The following NOL10 variants were observed in gnomAD, a reference collection of about 807,000 sequenced individuals.
The protein encoded by NOL10 is nucleolar protein 10.
Under a neutral mutation model 103.5 loss-of-function variants are expected in NOL10, and 58 were observed. That is an observed-to-expected ratio of 0.56 (90% CI 0.45 to 0.70). The LOEUF is 0.70. NOL10 is among the 30% of genes least tolerant of loss of function. The pLI, the probability that NOL10 is intolerant of heterozygous loss-of-function variation, is 0.00. For missense variants in NOL10, 763 were observed against 807.3 expected, an observed-to-expected ratio of 0.95 and a Z score of 0.67; for synonymous variants, 287 against 282.5, an observed-to-expected ratio of 1.02 and a Z score of -0.16.
At chr2:10,589,333 A>C (rs1465346887) in intron 18 of NOL10, 43 bp from the exon 19 acceptor site, 4 of 1,605,926 alleles carry the variant, frequency 2.5e-6, no homozygotes, top group Non-Finnish European at 3.4e-6. Flanking sequence ...TCCCCCAGTC[A>C]AACACAGACC....
At chr2:10,596,268 G>GGGGGGGGGGGGGGGGGGA (rs1553298216) in intron 17 of NOL10, among the ~76,000 whole-genome samples, 2 of 81,386 alleles carry the variant, frequency 2.5e-5, no homozygotes, top group African/African-American at 1.5e-4. Flanking sequence ...GGGGGCGGGG[G>GGGGGGGGGGGGGGGGGGA]GCGGGCGCGA....
In NOL10 at chr2:10,670,316, A is replaced by G. The variant is rs191097924; in HGVS notation, c.464+1238T>C. Reference sequence around the variant, plus strand: ...TCAAATACTGCTGTATTTTCAGGGGAAAAAAAAGGGATATTTCTATTGAAA... The same window carrying G: ...TCAAATACTGCTGTATTTTCAGGGGGAAAAAAAGGGATATTTCTATTGAAA... On this transcript the variant is annotated intron_variant, in intron 6 of 20. Coordinates refer to ENST00000381685, the MANE Select transcript of NOL10 (RefSeq NM_024894.4). Among the ~76,000 whole-genome samples, 390 of 151,522 alleles carry G rather than the reference A, an allele frequency of 2.6e-3. 1 individual carries two copies. Among genetic ancestry groups the G allele is most frequent in the African/African-American group, 8.2e-3 (338 of 40,972 alleles).
At chr2:10,664,845 T>C (rs560951009) in intron 8 of NOL10, among the ~76,000 whole-genome samples, 2 of 152,344 alleles carry the variant, frequency 1.3e-5, no homozygotes, top group African/African-American at 4.8e-5. Flanking sequence ...AACATTTGTG[T>C]TTTTAAAAAA....
intron 20 of NOL10, among the ~76,000 whole-genome samples, chr2:10,574,751 A>G (rs551551239): frequency 2.0e-5 from 3 of 152,260 alleles, no homozygotes; most frequent in South Asian, 2.1e-4. Flanking sequence ...AGGTACCTTC[A>G]TAAGTCTTCA....
rs537967530 is a variant in NOL10 at position 10,585,094 on chromosome 2, G to C, written c.1844+3949C>G. Among the ~76,000 whole-genome samples the C allele has an allele frequency of 5.9e-5, 9 of 152,342 alleles. No individual in the cohort carries two copies. The East Asian group carries it at 1.5e-3, about 26-fold the overall frequency. ...AGCAGATCTTGAAGGAGTAACTTCT[G>C]AGTTGCCTGATGTGTTGTCATGGCA... On this transcript the variant is annotated intron_variant, in intron 19 of 20. Coordinates refer to ENST00000381685, the MANE Select transcript of NOL10 (RefSeq NM_024894.4).
intron 1 of NOL10, among the ~76,000 whole-genome samples, chr2:10,685,608 G>T (rs899569671): frequency 6.6e-6 from 1 of 151,566 alleles, no homozygotes; most frequent in African/African-American, 2.4e-5. Context: ...CTCCAGAATG[G>T]GAGACTGTAG....
intron 3 of NOL10, among the ~76,000 whole-genome samples, chr2:10,678,002 A>C (rs1470583262): frequency 6.6e-6 from 1 of 152,122 alleles, no homozygotes; most frequent in East Asian, 1.9e-4. Flanking sequence ...GGCTATACAT[A>C]AAACTTTTAA....
intron 19 of NOL10, among the ~76,000 whole-genome samples, chr2:10,584,356 C>A (rs1385494376): frequency 6.6e-6 from 1 of 152,128 alleles, no homozygotes. Flanking sequence ...AGTGGATGAA[C>A]AGACTCACAA....
chr2:10,674,982 C>T (rs772354777), intron 4 of NOL10, among the ~76,000 whole-genome samples: 12 of 152,210 alleles, frequency 7.9e-5, no homozygotes, highest in African/African-American at 2.2e-4. Flanking sequence ...AGCAAAAGGA[C>T]GGCTGAGGCC....
chr2:10,686,412 G>A (rs1682207220), intron 1 of NOL10, among the ~76,000 whole-genome samples: 1 of 152,140 alleles, frequency 6.6e-6, no homozygotes, highest in Non-Finnish European at 1.5e-5. Flanking sequence ...AACAGTGACC[G>A]CTGAGCTCAG....
chr2:10,630,770 G>C (rs1677788970), intron 13 of NOL10, among the ~76,000 whole-genome samples: 1 of 152,212 alleles, frequency 6.6e-6, no homozygotes, highest in Non-Finnish European at 1.5e-5. Context: ...TACAAATTAA[G>C]GGCTGGACTA....
chr2:10,684,495 T>TAA (rs1682009438), intron 2 of NOL10, 72 bp downstream of exon 2: 1 of 1,185,578 alleles, frequency 8.4e-7, no homozygotes, highest in South Asian at 1.4e-5. Context: ...CACTTATATA[T>TAA]AACAGCAAAT....
At chr2:10,630,568 C>T (rs930702862) in intron 13 of NOL10, among the ~76,000 whole-genome samples, 5 of 151,892 alleles carry the variant, frequency 3.3e-5, no homozygotes, top group African/African-American at 7.3e-5. Context: ...AAAAATTAGT[C>T]GGGCATGGTG....
At chr2:10,612,724 G>C (rs1381122228) in intron 13 of NOL10, among the ~76,000 whole-genome samples, 4 of 152,002 alleles carry the variant, frequency 2.6e-5, no homozygotes, top group African/African-American at 4.8e-5. Context: ...GGCTGGTCTT[G>C]AACTCCTGAC....
At chr2:10,641,583 A>G (rs1678701434) in intron 13 of NOL10, among the ~76,000 whole-genome samples, 1 of 152,216 alleles carries the variant, frequency 6.6e-6, no homozygotes, top group African/African-American at 2.4e-5. Flanking sequence ...AAAATGCAGA[A>G]AATACCAAAG....
At chr2:10,620,393 T>A (rs561940315) in intron 13 of NOL10, among the ~76,000 whole-genome samples, 7 of 152,224 alleles carry the variant, frequency 4.6e-5, no homozygotes, top group Non-Finnish European at 1.0e-4. Context: ...TTCTATACCT[T>A]AACAGTGCTA....
intron 2 of NOL10, among the ~76,000 whole-genome samples, chr2:10,682,629 G>A (rs1425632580): frequency 6.6e-6 from 1 of 151,550 alleles, no homozygotes; most frequent in Admixed American, 6.6e-5. Context: ...CAAACTTCTA[G>A]GGCCAAGCAA....
In NOL10 at chr2:10,689,952, G is replaced by C; in HGVS notation, c.-91C>G. 2.4e-6 allele frequency: 3 copies of C among 1,262,644 alleles called. No individual in the cohort carries two copies. The highest frequency in any genetic ancestry group is 1.3e-5 in the South Asian group (1 of 74,114). The allele number at this position is 1,262,644 out of a possible 1,614,324, so 78.2% of individuals were successfully genotyped here. ...CGGGACCTCCGAGCCCCTGCTCCGC[G>C]GCGTGCGGCCGCTGGCGCCGACTGA... On this transcript the variant is annotated 5_prime_UTR_variant, in exon 1 of 21. Transcript: ENST00000381685.
In NOL10 at chr2:10,667,736, G is replaced by T. The variant is rs1372108598; in HGVS notation, c.531-458C>A. On this transcript the variant is annotated intron_variant, in intron 7 of 20. Coordinates refer to ENST00000381685, the MANE Select transcript of NOL10 (RefSeq NM_024894.4). ...CACCTACCTCGGGGGGTTGTTATGG[G>T]GATTAAATGAAAAAGACTGCAAAGC... 2.0e-5 allele frequency among the ~76,000 whole-genome samples: 3 copies of T among 151,964 alleles called. No homozygotes were observed. In the South Asian group the frequency reaches 6.2e-4, roughly 32 times the overall value.
Sources: gnomAD v4.1 joint callset for allele counts (sites outside exome capture counted in the v4.1 genomes callset) on GRCh38, gnomAD v4.1.1 for gene constraint, MANE v1.5 for transcripts, NCBI Gene and HGNC (gene_info 2026-07-23, HGNC 2026-07-21) for gene names.